TMEM232: variants seen among roughly 807,000 people sequenced by gnomAD.
The protein encoded by TMEM232 is transmembrane protein 232.
A neutral mutation model predicts 78.8 loss-of-function variants in TMEM232; 80 were observed. That is an observed-to-expected ratio of 1.01 (90% CI 0.85 to 1.22). The LOEUF (loss-of-function observed/expected upper bound fraction) is 1.22. TMEM232 is among the 50% of genes most tolerant of loss of function. The probability of loss-of-function intolerance (pLI) is 0.00; values close to 1 mark genes in which losing one functional copy is unlikely to be tolerated. For missense variants in TMEM232, 881 were observed against 742.2 expected (o/e 1.19, Z -2.17); for synonymous variants, 297 against 254.3 (o/e 1.17, Z -1.60).
At chr5:110,436,734 C>G (rs961954418) in intron 12 of TMEM232, among the ~76,000 whole-genome samples, 1 of 151,820 alleles carries the variant, frequency 6.6e-6, no homozygotes, top group African/African-American at 2.4e-5. Flanking sequence ...CCAACGTATT[C>G]CTGGCATCTT....
chr5:110,416,279 AT>A (rs1382731005), downstream of TMEM232, among the ~76,000 whole-genome samples: 4 of 152,214 alleles, frequency 2.6e-5, no homozygotes, highest in African/African-American at 4.8e-5. Flanking sequence ...GTTCCTACAC[AT>A]GTCTTTTCTA....
rs1263060375 is a variant in TMEM232, at chr5:110,429,400, TATATTTCTTTATGCAGA to T, written c.1704-4501_1704-4485del. Among the ~76,000 whole-genome samples the T allele has an allele frequency of 2.0e-5, 3 of 151,922 alleles. No individual in the cohort carries two copies. The East Asian group carries it at 5.8e-4, about 29-fold the overall frequency. ...ATATTTACAAGAAAAGGGGGGATAA[TATATTTCTTTATGCAGA>T]ATTATGGTTTTTCAAGTCTCCAAAG... On this transcript the variant is annotated intron_variant, in intron 12 of 13. Coordinates refer to ENST00000455884, the MANE Select transcript of TMEM232 (RefSeq NM_001039763.4).
At chr5:110,456,853 C>T (rs1423208218) in intron 12 of TMEM232, among the ~76,000 whole-genome samples, 1 of 152,032 alleles carries the variant, frequency 6.6e-6, no homozygotes, top group Non-Finnish European at 1.5e-5. Flanking sequence ...TTGACACATA[C>T]CTTCCATGAG....
At position 110,420,105 on chromosome 5, in the gene TMEM232, A is replaced by G. The variant is rs1756491481; in HGVS notation, c.*475T>C. 1 of 152,336 alleles carries G rather than the reference A, an allele frequency of 6.6e-6. No individual in the cohort carries two copies. 9.4% of individuals were successfully genotyped at this position (152,336 alleles called of 1,614,324 possible). On this transcript the variant is annotated 3_prime_UTR_variant, in exon 14 of 14. Transcript: ENST00000455884. The stretch of plus-strand genomic sequence containing the variant: ...GGTATAAATTGACTATAAAATGCCA[A>G]TCAAATAAGATGCCATACTGTTTTT...
At chr5:110,524,362 AAAAAGAAAGAAAGAAAGAAAGAAAG>A (rs1770110253) in intron 12 of TMEM232, among the ~76,000 whole-genome samples, 6 of 106,454 alleles carry the variant, frequency 5.6e-5, no homozygotes, top group African/African-American at 2.3e-4. Flanking sequence ...AAAGAAAGAA[AAAAAGAAAGAAAGAAAGAAAGAAAG>A]AAAGAAAGAA....
At chr5:110,655,092 G>T (rs1315258769) in intron 2 of TMEM232, among the ~76,000 whole-genome samples, 8 of 151,980 alleles carry the variant, frequency 5.3e-5, no homozygotes, top group Non-Finnish European at 1.0e-4. Flanking sequence ...CACAGCAAAA[G>T]AAACTACCAT....
chr5:110,701,313 G>A (rs1795419888), intron 1 of TMEM232, among the ~76,000 whole-genome samples: 1 of 151,792 alleles, frequency 6.6e-6, no homozygotes, highest in Non-Finnish European at 1.5e-5. Flanking sequence ...AAGTACAGGT[G>A]GATCCAAATA....
At chr5:110,402,793 A>G (rs1380469115) in intron 2 of TMEM232, among the ~76,000 whole-genome samples, 1 of 152,056 alleles carries the variant, frequency 6.6e-6, no homozygotes, top group Admixed American at 6.6e-5. Context: ...ACTTGTCCCT[A>G]GGGGAGGTCA....
At chr5:110,584,122 A>G (rs1778526047) in intron 10 of TMEM232, among the ~76,000 whole-genome samples, 1 of 152,014 alleles carries the variant, frequency 6.6e-6, no homozygotes, top group South Asian at 2.1e-4. Context: ...TGGAAGGGCT[A>G]TATGATCTGG....
intron 7 of TMEM232, among the ~76,000 whole-genome samples, chr5:110,619,755 C>T (rs1262345895): frequency 6.6e-6 from 1 of 151,994 alleles, no homozygotes; most frequent in African/African-American, 2.4e-5. Flanking sequence ...GTTGTCTCAG[C>T]CTGGATGCCT....
intron 12 of TMEM232, among the ~76,000 whole-genome samples, chr5:110,438,958 C>A (rs1408545560): frequency 3.9e-5 from 6 of 152,052 alleles, no homozygotes; most frequent in Non-Finnish European, 4.4e-5. Context: ...CATCTTAAAG[C>A]AGGAGGTTAA....
chr5:110,439,896 T>C (rs1005045206), intron 12 of TMEM232, among the ~76,000 whole-genome samples: 4 of 152,122 alleles, frequency 2.6e-5, no homozygotes, highest in Admixed American at 2.6e-4. Context: ...TCTAAAATTC[T>C]CTATATTAAC....
intron 2 of TMEM232, among the ~76,000 whole-genome samples, chr5:110,401,238 G>A (rs1755580337): frequency 6.6e-6 from 1 of 151,060 alleles, no homozygotes; most frequent in Non-Finnish European, 1.5e-5. Context: ...AATGCATATA[G>A]TAAAACACAA....
intron 10 of TMEM232, among the ~76,000 whole-genome samples, chr5:110,592,322 T>C (rs1291135945): frequency 6.6e-6 from 1 of 152,164 alleles, no homozygotes; most frequent in African/African-American, 2.4e-5. Context: ...CAACATGTTA[T>C]CAACTTATTT....
chr5:110,565,683 G>T (rs1264545642), intron 11 of TMEM232, among the ~76,000 whole-genome samples: 1 of 151,916 alleles, frequency 6.6e-6, no homozygotes, highest in African/African-American at 2.4e-5. Flanking sequence ...GCTTTGGTAT[G>T]ACAAACTTGG....
chr5:110,469,909 C>G (rs1401897995), intron 12 of TMEM232, among the ~76,000 whole-genome samples: 1 of 152,108 alleles, frequency 6.6e-6, no homozygotes, highest in African/African-American at 2.4e-5. Context: ...TGGAATAGTC[C>G]CCTAAAATTT....
intron 8 of TMEM232, among the ~76,000 whole-genome samples, chr5:110,609,961 A>G (rs1364942502): frequency 1.3e-5 from 2 of 152,076 alleles, no homozygotes; most frequent in Non-Finnish European, 2.9e-5. Context: ...TATTTTTACA[A>G]GACATTTATG....
At chr5:110,476,943 A>C (rs898156496) in intron 12 of TMEM232, among the ~76,000 whole-genome samples, 1 of 152,034 alleles carries the variant, frequency 6.6e-6, no homozygotes, top group Non-Finnish European at 1.5e-5. Context: ...GTGTTTAGAA[A>C]CATGAAATTC....
At chr5:110,502,952 A>G (rs1373391487) in intron 12 of TMEM232, among the ~76,000 whole-genome samples, 1 of 152,204 alleles carries the variant, frequency 6.6e-6, no homozygotes, top group Non-Finnish European at 1.5e-5. Context: ...CATGGGACTT[A>G]AAACAATCTG....
Sources: allele counts gnomAD v4.1 joint callset (sites outside exome capture counted in the v4.1 genomes callset), GRCh38; gene constraint gnomAD v4.1.1; transcripts MANE v1.5; gene names NCBI Gene and HGNC (gene_info 2026-07-23, HGNC 2026-07-21).